The following OTUD7B variants were observed in gnomAD, a reference collection of about 807,000 sequenced individuals.
OTUD7B encodes the protein OTU deubiquitinase 7B.
OTUD7B carries 34 observed loss-of-function variants against 82.2 expected under a neutral mutation model. The ratio of observed to expected loss-of-function variants is 0.41; its 90% confidence interval spans 0.31 to 0.55. The LOEUF (loss-of-function observed/expected upper bound fraction) is 0.55, where lower values mean the gene tolerates loss of function less well. OTUD7B is among the 20% of genes least tolerant of loss of function. The pLI is 0.20. For synonymous variants in OTUD7B, 398 were observed against 402.7 expected (o/e 0.99, Z 0.14); for missense variants, 944 against 1,062.1 (o/e 0.89, Z 1.55).
At chr1:150,052,942 A>C in the OTUD7B span, among the ~76,000 whole-genome samples, 1 of 152,058 alleles carries the variant, frequency 6.6e-6, no homozygotes, top group East Asian at 1.9e-4. Flanking sequence ...TAGAGAAAAG[A>C]CTCCCTAGTC....
At chr1:150,048,588 A>G in the OTUD7B span, 1 of 152,036 alleles carries the variant, frequency 6.6e-6, no homozygotes, top group Non-Finnish European at 1.5e-5. Flanking sequence ...GCACAGTGAA[A>G]GGATTGCTTG....
chr1:149,943,304 A>AT lies in OTUD7B; in HGVS notation c.*552dup, dbSNP rs1647386837. 1 of 154,352 alleles carries AT rather than the reference A, an allele frequency of 6.5e-6. No individual in the cohort carries two copies. Among genetic ancestry groups the AT allele is most frequent in the Admixed American group, 6.4e-5 (1 of 15,552 alleles). The allele number at this position is 154,352 out of a possible 1,614,324, so 9.6% of individuals were successfully genotyped here. A position where few individuals can be genotyped will look rare whatever the true frequency, so the allele number is the denominator to read the frequency against. On this transcript the variant is annotated 3_prime_UTR_variant, in exon 12 of 12. Transcript: ENST00000581312. ...TCCTAACAGGCACCCATGAGGACAC[A>AT]TTACTGCCTTGTCTTTCCAGATCCT...
intron 5 of OTUD7B, 42 bp from the exon 6 acceptor site, chr1:149,964,391 TCTG>T: frequency 1.3e-6 from 2 of 1,593,114 alleles, no homozygotes; most frequent in Non-Finnish European, 1.7e-6. Flanking sequence ...TCAGCTTGAC[TCTG>T]CTAATTTTTG....
At chr1:149,968,333 ATTAAT>A (rs1340109134) in intron 3 of OTUD7B, among the ~76,000 whole-genome samples, 2 of 152,034 alleles carry the variant, frequency 1.3e-5, no homozygotes, top group Non-Finnish European at 2.9e-5. Context: ...CATCAATAAC[ATTAAT>A]TTATATTGCT....
chr1:149,942,128 G>A lies in OTUD7B; in HGVS notation c.*1729C>T, dbSNP rs941085282. The A allele has an allele frequency of 1.3e-5, 2 of 152,554 alleles. No homozygotes were observed. Among genetic ancestry groups the A allele is most frequent in the African/African-American group, 2.4e-5 (1 of 41,406 alleles). The allele number at this position is 152,554 out of a possible 1,614,324, so 9.5% of individuals were successfully genotyped here. Reference sequence around the variant, plus strand: ...TATGCACGCACGCACATGCATGCACGCTCAAGTGCTTTAGATCAAATGTGG... The same window carrying A: ...TATGCACGCACGCACATGCATGCACACTCAAGTGCTTTAGATCAAATGTGG... On this transcript the variant is annotated 3_prime_UTR_variant, in exon 12 of 12. Coordinates refer to ENST00000581312, the MANE Select transcript of OTUD7B (RefSeq NM_020205.4).
the OTUD7B span, chr1:150,055,017 T>G: frequency 4.2e-6 from 1 of 239,620 alleles, no homozygotes; most frequent in Non-Finnish European, 8.4e-6. Context: ...GAATTTATCC[T>G]TACAAATTGG....
chr1:150,056,729 G>A, the OTUD7B span, among the ~76,000 whole-genome samples: 1 of 152,030 alleles, frequency 6.6e-6, no homozygotes, highest in African/African-American at 2.4e-5. Context: ...AAATATCCAT[G>A]AGTCTATAAC....
At chr1:150,001,800 G>C (rs1212118478) in intron 1 of OTUD7B, among the ~76,000 whole-genome samples, 1 of 152,174 alleles carries the variant, frequency 6.6e-6, no homozygotes, top group African/African-American at 2.4e-5. Context: ...ACAGAGCCCA[G>C]AGAAAAGAAT....
chr1:149,960,412 G>T (rs1309786534), intron 6 of OTUD7B, among the ~76,000 whole-genome samples: 108,851 of 112,330 alleles, frequency 0.97, 53,175 homozygotes, highest in Middle Eastern at 1. Context: ...TTTTTTTTTT[G>T]TAGACAGAGT....
At chr1:149,956,362 C>T (rs1553774560) in intron 7 of OTUD7B, among the ~76,000 whole-genome samples, 1 of 152,092 alleles carries the variant, frequency 6.6e-6, no homozygotes, top group African/African-American at 2.4e-5. Context: ...GAATATTGGC[C>T]CCCACGCTCT....
chr1:149,965,771 A>G lies in OTUD7B; in HGVS notation c.604+6T>C, dbSNP rs192130162. 3.5e-5 allele frequency: 56 copies of G among 1,606,178 alleles called. No individual in the cohort carries two copies. In the East Asian group the frequency reaches 1.2e-3, roughly 33 times the overall value. ...AGGTGAATGGAGGACTGCTTTCAAG[A>G]CTCACCAAGGGAGGCTGCATGCAGG... is the stretch of plus-strand genomic sequence containing the variant. On this transcript the variant is annotated splice_donor_region_variant and intron_variant, in intron 5 of 11. Transcript: ENST00000581312.
chr1:149,967,771 G>C (rs1363956078), intron 3 of OTUD7B, among the ~76,000 whole-genome samples: 4 of 152,146 alleles, frequency 2.6e-5, no homozygotes, highest in Non-Finnish European at 5.9e-5. Context: ...GAATTTGCCT[G>C]ATCTTCCCCT....
At chr1:149,992,467 GTTTTT>G (rs1166098299) in intron 1 of OTUD7B, among the ~76,000 whole-genome samples, 3 of 61,560 alleles carry the variant, frequency 4.9e-5, no homozygotes, top group African/African-American at 6.7e-5. Flanking sequence ...GTGTGCATGT[GTTTTT>G]TTTTTTTTTT....
the OTUD7B span, among the ~76,000 whole-genome samples, chr1:150,016,334 A>G: frequency 6.6e-6 from 1 of 151,876 alleles, no homozygotes. Flanking sequence ...CCATTTCTAC[A>G]TTTGTGTTCT....
At chr1:149,961,582 C>T (rs1259114345) in intron 6 of OTUD7B, 3 of 152,292 alleles carry the variant, frequency 2.0e-5, no homozygotes, top group African/African-American at 7.2e-5. Flanking sequence ...TCTCGAACTA[C>T]CAACAGGTGA....
intron 7 of OTUD7B, 45 bp from the exon 8 acceptor site, chr1:149,950,266 T>C: frequency 6.2e-7 from 1 of 1,604,598 alleles, no homozygotes; most frequent in Non-Finnish European, 8.5e-7. Context: ...GCAGTAAAAA[T>C]GAGAGAGTAG....
intron 1 of OTUD7B, among the ~76,000 whole-genome samples, chr1:149,997,696 A>T (rs1553783700): frequency 6.6e-6 from 1 of 152,236 alleles, no homozygotes; most frequent in Non-Finnish European, 1.5e-5. Flanking sequence ...AGAGCCTGAT[A>T]GACTAAGTAC....
chr1:150,067,119 G>C, the OTUD7B span: 1 of 152,274 alleles, frequency 6.6e-6, no homozygotes, highest in Non-Finnish European at 1.5e-5. Context: ...GACCCTCCTG[G>C]AGAACCTCAG....
intron 3 of OTUD7B, among the ~76,000 whole-genome samples, chr1:149,968,004 T>C (rs1255057620): frequency 6.6e-6 from 1 of 152,080 alleles, no homozygotes; most frequent in Non-Finnish European, 1.5e-5. Context: ...AAATCCATTA[T>C]AGAAAAGAAA....
Sources: allele counts gnomAD v4.1 joint callset (sites outside exome capture counted in the v4.1 genomes callset), GRCh38; gene constraint gnomAD v4.1.1; transcripts MANE v1.5; gene names NCBI Gene and HGNC (gene_info 2026-07-23, HGNC 2026-07-21).